RGS6: variants seen among roughly 807,000 people sequenced by gnomAD.
RGS6 encodes the protein regulator of G protein signaling 6, also known as regulator of G-protein signaling 6.
A neutral mutation model predicts 78.5 loss-of-function variants in RGS6; 30 were observed. The observed-to-expected ratio is 0.38, with a 90% CI of 0.29 to 0.52. The LOEUF is 0.52. Among genes scored for constraint, RGS6 ranks in the 20% least tolerant of loss-of-function variants. RGS6 has a pLI of 0.85. For synonymous variants in RGS6, 206 were observed against 206.0 expected (o/e 1.00, Z 0.00); for missense variants, 495 against 609.7 (o/e 0.81, Z 1.98).
chr14:71,973,749 C>T (rs2093950470), intron 2 of RGS6, among the ~76,000 whole-genome samples: 1 of 152,152 alleles, frequency 6.6e-6, no homozygotes, highest in Non-Finnish European at 1.5e-5. Context: ...TTTTAAGATT[C>T]CTTTCATTAA....
intron 2 of RGS6, among the ~76,000 whole-genome samples, chr14:72,000,216 G>T (rs2083174947): frequency 6.6e-6 from 1 of 152,208 alleles, no homozygotes; most frequent in Admixed American, 6.5e-5. Flanking sequence ...CGCTCAGGCG[G>T]TTGTTGTAAT....
At chr14:72,008,556 A>G (rs559649394) in intron 2 of RGS6, among the ~76,000 whole-genome samples, 1 of 152,284 alleles carries the variant, frequency 6.6e-6, no homozygotes, top group African/African-American at 2.4e-5. Context: ...TGCAAATGGC[A>G]TAAGTGATGG....
At chr14:72,006,024 C>G (rs1014791902) in intron 2 of RGS6, among the ~76,000 whole-genome samples, 1 of 151,910 alleles carries the variant, frequency 6.6e-6, no homozygotes, top group African/African-American at 2.4e-5. Context: ...TATATTTGTC[C>G]TTGGAAAAAG....
In RGS6 at chr14:72,415,687, C is replaced by G. The variant is rs534862841; in HGVS notation, c.185-38841C>G. ...TATTCGGCCATCTTGGCTCCACCCC[C>G]CCGGCAACTGCCTATTGTTTTACCT... On this transcript the variant is annotated intron_variant, in intron 3 of 17. Coordinates refer to ENST00000553525, the MANE Select transcript of RGS6 (RefSeq NM_001204424.2). Among the ~76,000 whole-genome samples, 20 of 152,346 alleles carry G rather than the reference C, an allele frequency of 1.3e-4. No individual in the cohort carries two copies. In the South Asian group the frequency reaches 2.1e-3, roughly 16 times the overall value.
chr14:72,415,211 T>A (rs2093711620), intron 3 of RGS6, among the ~76,000 whole-genome samples: 1 of 152,236 alleles, frequency 6.6e-6, no homozygotes, highest in Non-Finnish European at 1.5e-5. Flanking sequence ...CCTGGCCACT[T>A]TGTTTACCTC....
chr14:72,427,492 T>A (rs2094475991), intron 3 of RGS6, among the ~76,000 whole-genome samples: 1 of 152,188 alleles, frequency 6.6e-6, no homozygotes, highest in Non-Finnish European at 1.5e-5. Flanking sequence ...CAAAGTGAGG[T>A]GAGCCGACCA....
At position 72,087,190 on chromosome 14, in the gene RGS6, C is replaced by T. The variant is rs142170865; in HGVS notation, c.84+122315C>T. On this transcript the variant is annotated intron_variant, in intron 2 of 17. Transcript: ENST00000553525. ...CTGTTGCTCAAGCTGGAGTGCAGTG[C>T]CACGATCTTAGCTCACTGCAACTTC... Among the ~76,000 whole-genome samples the T allele has an allele frequency of 5.6e-3, 854 of 152,114 alleles. 10 individuals are homozygous for T. Among genetic ancestry groups the T allele is most frequent in the African/African-American group, 0.019 (806 of 41,516 alleles).
At chr14:72,053,505 C>T (rs1209838378) in intron 2 of RGS6, among the ~76,000 whole-genome samples, 2 of 152,132 alleles carry the variant, frequency 1.3e-5, no homozygotes, top group African/African-American at 4.8e-5. Flanking sequence ...TATCCTGATC[C>T]TACCCTCCAG....
chr14:72,151,217 G>A (rs1332929425), intron 2 of RGS6, among the ~76,000 whole-genome samples: 1 of 152,180 alleles, frequency 6.6e-6, no homozygotes, highest in Non-Finnish European at 1.5e-5. Context: ...CTGGGTCTTA[G>A]TCTCTGTTAT....
At chr14:72,297,222 G>A (rs755953756) in intron 2 of RGS6, among the ~76,000 whole-genome samples, 4 of 151,912 alleles carry the variant, frequency 2.6e-5, no homozygotes, top group African/African-American at 4.8e-5. Flanking sequence ...CTTCAACTTT[G>A]TTCTTCTATT....
intron 2 of RGS6, among the ~76,000 whole-genome samples, chr14:71,985,548 C>T (rs1013421122): frequency 6.6e-6 from 1 of 152,046 alleles, no homozygotes; most frequent in African/African-American, 2.4e-5. Flanking sequence ...TGTTACAACT[C>T]CTATTATATA....
intron 17 of RGS6, 125 bp downstream of exon 17, chr14:72,540,219 C>T: frequency 6.6e-7 from 1 of 1,510,060 alleles, no homozygotes; most frequent in Non-Finnish European, 8.9e-7. Context: ...CCAGTGCTTT[C>T]TCCCTCGACT....
chr14:72,211,220 A>G (rs2044060848), intron 2 of RGS6, among the ~76,000 whole-genome samples: 1 of 152,248 alleles, frequency 6.6e-6, no homozygotes, highest in African/African-American at 2.4e-5. Context: ...ATCTGGATAC[A>G]GAGGTATCAC....
chr14:72,470,609 G>GGC (rs1464881633), intron 8 of RGS6, among the ~76,000 whole-genome samples: 1 of 152,066 alleles, frequency 6.6e-6, no homozygotes, highest in Non-Finnish European at 1.5e-5. Flanking sequence ...TGGGCATGGT[G>GGC]GCTCATGCCT....
At chr14:72,035,517 GGTTTA>G (rs1413616950) in intron 2 of RGS6, among the ~76,000 whole-genome samples, 1 of 151,388 alleles carries the variant, frequency 6.6e-6, no homozygotes, top group Admixed American at 6.6e-5. Flanking sequence ...CGCAACTTTG[GGTTTA>G]GTTTGTTTTT....
intron 2 of RGS6, among the ~76,000 whole-genome samples, chr14:72,030,617 C>T (rs1033252165): frequency 6.9e-6 from 1 of 145,010 alleles, no homozygotes; most frequent in Non-Finnish European, 1.5e-5. Flanking sequence ...CTTTTTACTG[C>T]ACCTGGAGAG....
At chr14:72,245,908 C>G (rs1460632977) in intron 2 of RGS6, among the ~76,000 whole-genome samples, 2 of 152,164 alleles carry the variant, frequency 1.3e-5, no homozygotes, top group Non-Finnish European at 2.9e-5. Context: ...CTTGACATCC[C>G]TGTGTCTTTG....
chr14:72,458,420 A>G, intron 5 of RGS6, 43 bp downstream of exon 5: 3 of 1,384,834 alleles, frequency 2.2e-6, no homozygotes, highest in Non-Finnish European at 3.1e-6. Flanking sequence ...TTTTCTTCAC[A>G]ACATCATCTG....
intron 2 of RGS6, among the ~76,000 whole-genome samples, chr14:72,312,953 C>T (rs557269247): frequency 6.6e-5 from 10 of 152,306 alleles, no homozygotes; most frequent in Non-Finnish European, 1.3e-4. Flanking sequence ...TTCCTACTTT[C>T]CAGACATTTG....
Sources: gnomAD v4.1 joint callset for allele counts (sites outside exome capture counted in the v4.1 genomes callset) on GRCh38, gnomAD v4.1.1 for gene constraint, MANE v1.5 for transcripts, NCBI Gene and HGNC (gene_info 2026-07-23, HGNC 2026-07-21) for gene names.